The following ADAMTSL1 variants were observed in gnomAD, a reference collection of about 807,000 sequenced individuals.
The protein encoded by ADAMTSL1 is ADAMTS like 1, also known as ADAMTS-like protein 1.
Under a neutral mutation model 201.8 loss-of-function variants are expected in ADAMTSL1, and 126 were observed. The observed-to-expected ratio is 0.62, with a 90% CI of 0.54 to 0.72. The LOEUF (loss-of-function observed/expected upper bound fraction) is 0.72. Among genes scored for constraint, ADAMTSL1 ranks in the 30% least tolerant of loss-of-function variants. ADAMTSL1 has a pLI of 0.00. For missense variants in ADAMTSL1, 2,679 were observed against 2,277.8 expected, an observed-to-expected ratio of 1.18 and a Z score of -3.59; for synonymous variants, 1,121 against 903.4, an observed-to-expected ratio of 1.24 and a Z score of -4.32.
At chr9:18,498,001 G>A (rs1176783326) in intron 1 of ADAMTSL1, among the ~76,000 whole-genome samples, 2 of 152,164 alleles carry the variant, frequency 1.3e-5, no homozygotes, top group Non-Finnish European at 2.9e-5. Context: ...GTCCCAGGAC[G>A]AGAAGGAATT....
chr9:18,341,107 T>C (rs1835448233), intron 2 of ADAMTSL1, among the ~76,000 whole-genome samples: 1 of 152,092 alleles, frequency 6.6e-6, no homozygotes, highest in South Asian at 2.1e-4. Context: ...GAACACAAAA[T>C]TGATCATTCT....
chr9:18,015,671 A>C (rs1031672512), intron 1 of ADAMTSL1, among the ~76,000 whole-genome samples: 3 of 151,998 alleles, frequency 2.0e-5, no homozygotes, highest in African/African-American at 7.2e-5. Flanking sequence ...GCGCTTATTA[A>C]GAGGTAGAGC....
At chr9:18,592,112 G>T (rs1823957185) in intron 4 of ADAMTSL1, among the ~76,000 whole-genome samples, 2 of 152,132 alleles carry the variant, frequency 1.3e-5, no homozygotes, top group East Asian at 1.9e-4. Context: ...TGAGATAATG[G>T]TTTCACCAGG....
At chr9:18,732,350 C>A (rs1375553806) in intron 15 of ADAMTSL1, among the ~76,000 whole-genome samples, 3 of 152,184 alleles carry the variant, frequency 2.0e-5, no homozygotes, top group Admixed American at 1.3e-4. Context: ...GGAAGCAGGG[C>A]AGCTTGTCAT....
At chr9:18,675,037 C>T (rs939821154) in intron 9 of ADAMTSL1, among the ~76,000 whole-genome samples, 5 of 152,128 alleles carry the variant, frequency 3.3e-5, no homozygotes, top group African/African-American at 9.7e-5. Context: ...CAGGAACCTC[C>T]ACACAGCCTA....
At chr9:18,854,146 A>G (rs1178185012) in intron 23 of ADAMTSL1, among the ~76,000 whole-genome samples, 1 of 152,154 alleles carries the variant, frequency 6.6e-6, no homozygotes. Flanking sequence ...TCCTTTCACA[A>G]AGCAAGAGAA....
intron 1 of ADAMTSL1, among the ~76,000 whole-genome samples, chr9:18,023,730 G>T (rs975266254): frequency 3.0e-4 from 46 of 152,126 alleles, no homozygotes; most frequent in African/African-American, 1.1e-3. Context: ...TCCTTTTTCT[G>T]TTTCTTCGTG....
chr9:18,486,218 T>C (rs1423523659), intron 1 of ADAMTSL1, among the ~76,000 whole-genome samples: 1 of 152,238 alleles, frequency 6.6e-6, no homozygotes, highest in Non-Finnish European at 1.5e-5. Context: ...CAGTTAGGGA[T>C]TATTTTTCCC....
chr9:18,628,780 G>T (rs928814767), intron 5 of ADAMTSL1, among the ~76,000 whole-genome samples: 1 of 152,124 alleles, frequency 6.6e-6, no homozygotes, highest in African/African-American at 2.4e-5. Context: ...TTAGCTTTCA[G>T]CATGAAGATC....
At chr9:18,778,065 T>TA (rs1257960469) in intron 19 of ADAMTSL1, among the ~76,000 whole-genome samples, 159 bp downstream of exon 19, 3 of 152,254 alleles carry the variant, frequency 2.0e-5, no homozygotes, top group Non-Finnish European at 4.4e-5. Context: ...TTAGCACTGA[T>TA]AGACTACTGG....
At chr9:18,562,213 C>G (rs1016735096) in intron 3 of ADAMTSL1, among the ~76,000 whole-genome samples, 1 of 152,078 alleles carries the variant, frequency 6.6e-6, no homozygotes, top group Non-Finnish European at 1.5e-5. Context: ...TTAGGGCAGG[C>G]CTGGTGGTGA....
chr9:18,127,724 G>A (rs1825797547), intron 1 of ADAMTSL1, among the ~76,000 whole-genome samples: 1 of 152,062 alleles, frequency 6.6e-6, no homozygotes, highest in African/African-American at 2.4e-5. Context: ...GAATGGGTGG[G>A]GAAAAAGGGG....
At chr9:18,783,819 G>T (rs1266296804) in intron 19 of ADAMTSL1, among the ~76,000 whole-genome samples, 1 of 150,820 alleles carries the variant, frequency 6.6e-6, no homozygotes, top group Non-Finnish European at 1.5e-5. Context: ...ACTACAGGTG[G>T]CCCTCAAAGC....
Position 18,756,162 on chromosome 9 carries a change from C to T in ADAMTSL1, c.2217+2654C>T, listed in dbSNP as rs573541695. Among the ~76,000 whole-genome samples, 8 of 122,248 alleles carry T rather than the reference C, an allele frequency of 6.5e-5. No individual in the cohort carries two copies. In the East Asian group the frequency reaches 1.8e-3, roughly 27 times the overall value. The allele number at this position is 122,248 out of a possible 152,430, so 80.2% of individuals were successfully genotyped here. A position where few individuals can be genotyped will look rare whatever the true frequency, so the allele number is the denominator to read the frequency against. On this transcript the variant is annotated intron_variant, in intron 16 of 28. Transcript: ENST00000380548. ...GGTGTGGTGGCGGGCACCTGTAATCCCAGCTACTGTGGAGGCTGAAGCAGG... is the reference window on the plus strand; with the variant it reads ...GGTGTGGTGGCGGGCACCTGTAATCTCAGCTACTGTGGAGGCTGAAGCAGG...
intron 2 of ADAMTSL1, among the ~76,000 whole-genome samples, chr9:18,256,284 C>A (rs1831681746): frequency 6.6e-6 from 1 of 152,108 alleles, no homozygotes; most frequent in Admixed American, 6.5e-5. Context: ...TTTGTCTAAG[C>A]ATGAGAAGTT....
chr9:18,721,604 G>C lies in ADAMTSL1; in HGVS notation c.1945G>C (p.Val649Leu), dbSNP rs571292749. 2.5e-6 allele frequency: 4 copies of C among 1,613,858 alleles called. No individual in the cohort carries two copies. The highest frequency in any genetic ancestry group is 2.5e-6 in the Non-Finnish European group (3 of 1,179,886). Residue 649 changes from valine (V) to leucine (L), a missense_variant, in exon 15 of 29, where the codon GTG becomes CTG. Coordinates refer to ENST00000380548, the MANE Select transcript of ADAMTSL1 (RefSeq NM_001040272.6). ...GGAGCCTGCTGAGGAGAACCTGTGC[G>C]TGACCAGCCGCCGGCCCCCACAGCT... Reference protein sequence around the residue: ...TREPAEENLCVTSRRPPQLLK... With the variant: ...TREPAEENLCLTSRRPPQLLK...
At chr9:18,209,241 T>G (rs1267422204) in intron 2 of ADAMTSL1, among the ~76,000 whole-genome samples, 4 of 150,478 alleles carry the variant, frequency 2.7e-5, no homozygotes, top group Non-Finnish European at 6.0e-5. Flanking sequence ...CACATAAAAA[T>G]TACGTCAGAC....
At chr9:18,163,271 T>A (rs1827478750) in intron 1 of ADAMTSL1, among the ~76,000 whole-genome samples, 2 of 152,128 alleles carry the variant, frequency 1.3e-5, no homozygotes, top group South Asian at 4.1e-4. Context: ...AACAGACACC[T>A]CTTGGGGTTG....
At chr9:18,609,130 C>G (rs981969955) in intron 4 of ADAMTSL1, among the ~76,000 whole-genome samples, 2 of 152,090 alleles carry the variant, frequency 1.3e-5, no homozygotes, top group African/African-American at 4.8e-5. Flanking sequence ...TGAGAAATCT[C>G]TATTTTGTGC....
Sources: gnomAD v4.1 joint callset for allele counts (sites outside exome capture counted in the v4.1 genomes callset) on GRCh38, gnomAD v4.1.1 for gene constraint, MANE v1.5 for transcripts, NCBI Gene and HGNC (gene_info 2026-07-23, HGNC 2026-07-21) for gene names.